Variants in VEZT observed in about 807,000 individuals in gnomAD.
VEZT encodes the protein vezatin, adherens junctions transmembrane protein, also known as vezatin.
A neutral mutation model predicts 79.9 loss-of-function variants in VEZT; 39 were observed. The ratio of observed to expected loss-of-function variants is 0.49; its 90% CI spans 0.38 to 0.64. The LOEUF (loss-of-function observed/expected upper bound fraction) is 0.64, where lower values mean the gene tolerates loss of function less well. Among genes scored for constraint, VEZT ranks in the 30% least tolerant of loss-of-function variants. The pLI is 0.00. For synonymous variants in VEZT, 325 were observed against 327.6 expected, an observed-to-expected ratio of 0.99 and a Z score of 0.09; for missense variants, 837 against 893.1, an observed-to-expected ratio of 0.94 and a Z score of 0.80.
chr12:95,223,126 TACTTA>T (rs904396218), intron 1 of VEZT, among the ~76,000 whole-genome samples: 6 of 152,346 alleles, frequency 3.9e-5, no homozygotes, highest in Admixed American at 3.3e-4. Flanking sequence ...TTGAGCAGGT[TACTTA>T]ACTTGTCTAA....
At chr12:95,240,669 G>T (rs185589362) in intron 1 of VEZT, among the ~76,000 whole-genome samples, 1 of 152,018 alleles carries the variant, frequency 6.6e-6, no homozygotes, top group African/African-American at 2.4e-5. Context: ...CAGTTATTTC[G>T]AAGGTAACTC....
At chr12:95,258,202 A>G (rs963529611) in intron 3 of VEZT, 6 of 455,416 alleles carry the variant, frequency 1.3e-5, no homozygotes, top group African/African-American at 1.2e-4. Flanking sequence ...GAGAAGGTCA[A>G]TGAAGTGTCT....
rs1491323550 is a variant in VEZT at position 95,240,073 on chromosome 12, G to GAAGGAAGGAAGGAAGGAAAGA, written c.37-11864_37-11863insGAAGGAAGGAAGGAAAGAAAG. On this transcript the variant is annotated intron_variant, in intron 1 of 11. Coordinates refer to ENST00000436874, the MANE Select transcript of VEZT (RefSeq NM_017599.4). Reference sequence around the variant, plus strand: ...GGAAGGAAGGAAGGAAGGAAGGAAGGAAGAAAAGAAAGAGGAAAACAGAAA... The same window carrying GAAGGAAGGAAGGAAGGAAAGA: ...GGAAGGAAGGAAGGAAGGAAGGAAGGAAGGAAGGAAGGAAGGAAAGAAAGAAAAGAAAGAGGAAAACAGAAA... Among the ~76,000 whole-genome samples the GAAGGAAGGAAGGAAGGAAAGA allele has an allele frequency of 2.7e-3, 270 of 98,992 alleles. 7 individuals are homozygous for GAAGGAAGGAAGGAAGGAAAGA. Among genetic ancestry groups the GAAGGAAGGAAGGAAGGAAAGA allele is most frequent in the Middle Eastern group, 0.014 (3 of 220 alleles). 64.9% of individuals were successfully genotyped at this position (98,992 alleles called of 152,430 possible).
chr12:95,288,046 A>T (rs1168323600), intron 9 of VEZT, among the ~76,000 whole-genome samples, 189 bp downstream of exon 9: 3 of 152,178 alleles, frequency 2.0e-5, no homozygotes, highest in African/African-American at 7.2e-5. Context: ...CTCATTTTGT[A>T]AATTAAAAAT....
chr12:95,255,327 A>G (rs1370953912), intron 2 of VEZT, among the ~76,000 whole-genome samples: 1 of 152,214 alleles, frequency 6.6e-6, no homozygotes. Context: ...CAAGTGATAC[A>G]TCAAGTCAGC....
In VEZT at chr12:95,262,927, T is replaced by G. The variant is rs146623229; in HGVS notation, c.280T>G (p.Ser94Ala). The G allele has an allele frequency of 1.3e-4, 204 of 1,602,154 alleles. No homozygotes were observed. The African/African-American group carries it at 2.0e-3, about 15-fold the overall frequency. ...CAAGGATATTGGATTCCGACTCGAC[T>G]CATTACATACCATCCTGCAACAGGA... ...HKLDIGFRLDSLHTILQQEVL... is the reference protein window; with the variant it reads ...HKLDIGFRLDALHTILQQEVL... The change falls in exon 4 of 12, where the codon TCA becomes GCA. Residue 94 changes from serine to alanine, a missense_variant. Coordinates refer to ENST00000436874, the MANE Select transcript of VEZT (RefSeq NM_017599.4).
At chr12:95,273,230 T>C (rs2066986800) in intron 6 of VEZT, among the ~76,000 whole-genome samples, 1 of 152,178 alleles carries the variant, frequency 6.6e-6, no homozygotes, top group South Asian at 2.1e-4. Context: ...ATCTCCAAGT[T>C]ATATTAAGTG....
At chr12:95,242,999 T>C (rs2061247014) in intron 1 of VEZT, among the ~76,000 whole-genome samples, 1 of 152,174 alleles carries the variant, frequency 6.6e-6, no homozygotes, top group African/African-American at 2.4e-5. Flanking sequence ...TACCAGACTT[T>C]AGGAAAACCT....
intron 3 of VEZT, among the ~76,000 whole-genome samples, chr12:95,259,994 G>A (rs2064110431): frequency 6.6e-6 from 1 of 151,924 alleles, no homozygotes; most frequent in African/African-American, 2.4e-5. Context: ...CTCTACGTGA[G>A]GCAATCTAAT....
At chr12:95,227,745 A>T (rs1051355612) in intron 1 of VEZT, among the ~76,000 whole-genome samples, 1 of 152,208 alleles carries the variant, frequency 6.6e-6, no homozygotes, top group African/African-American at 2.4e-5. Flanking sequence ...GACATGAACG[A>T]CTGCACCGGG....
rs12424550 is a variant in VEZT, at chr12:95,287,778, C to G, written c.1443C>G (p.His481Gln). ...LEQKLKLIQPHVQASNNCWEE... is the reference protein window; with the variant it reads ...LEQKLKLIQPQVQASNNCWEE... ...AGAAATTAAAGTTGATTCAGCCCCA[C>G]GTTCAAGCAAGCAACAATTGCTGGG... The change falls in exon 9 of 12, where the codon CAC (histidine) becomes CAG (glutamine). Residue 481 changes from histidine to glutamine, a missense_variant. Transcript: ENST00000436874. 6 of 1,607,640 alleles carry G rather than the reference C, an allele frequency of 3.7e-6. No individual in the cohort carries two copies. The South Asian group carries it at 5.6e-5, about 15-fold the overall frequency.
intron 1 of VEZT, among the ~76,000 whole-genome samples, chr12:95,244,315 C>T (rs1291580665): frequency 6.6e-6 from 1 of 152,006 alleles, no homozygotes; most frequent in Non-Finnish European, 1.5e-5. Context: ...TCCTCGAGCC[C>T]AGGAGTTTGA....
chr12:95,279,693 G>T (rs988639214), intron 7 of VEZT, among the ~76,000 whole-genome samples: 8 of 152,170 alleles, frequency 5.3e-5, no homozygotes, highest in African/African-American at 1.9e-4. Context: ...CTGGGCTCAA[G>T]CGATCCTCCC....
chr12:95,289,957 T>G (rs796327764), intron 9 of VEZT, among the ~76,000 whole-genome samples: 22 of 152,320 alleles, frequency 1.4e-4, no homozygotes, highest in African/African-American at 4.8e-4. Context: ...GTTGTAGACT[T>G]GAAGCCCCAT....
chr12:95,222,462 T>C (rs1389038272), intron 1 of VEZT, among the ~76,000 whole-genome samples: 1 of 152,162 alleles, frequency 6.6e-6, no homozygotes, highest in Non-Finnish European at 1.5e-5. Context: ...CTTTTATGTG[T>C]AGATCTCTTT....
chr12:95,248,357 T>C (rs143344693), intron 1 of VEZT, among the ~76,000 whole-genome samples: 4 of 152,346 alleles, frequency 2.6e-5, no homozygotes, highest in African/African-American at 9.6e-5. Context: ...AAATGTGAAA[T>C]AGCAAGTGTT....
At chr12:95,224,329 T>G (rs1002172264) in intron 1 of VEZT, 1 of 452,942 alleles carries the variant, frequency 2.2e-6, no homozygotes. Flanking sequence ...TTTTTTTTTT[T>G]TTTTGACAGG....
chr12:95,245,383 A>G lies in VEZT; in HGVS notation c.37-6557A>G. ...AGGGAGAGGATTTTTCTGGAAACAG[A>G]GCATACCTAGAAAGTACCAGAGCAC... On this transcript the variant is annotated intron_variant, in intron 1 of 11. Transcript: ENST00000436874. 1.0e-5 allele frequency: 4 copies of G among 389,476 alleles called. 1 individual carries two copies. Among genetic ancestry groups the G allele is most frequent in the South Asian group, 7.9e-5 (4 of 50,524 alleles). 24.1% of individuals were successfully genotyped at this position (389,476 alleles called of 1,614,324 possible).
At chr12:95,247,556 A>C (rs1213039241) in intron 1 of VEZT, among the ~76,000 whole-genome samples, 1 of 152,088 alleles carries the variant, frequency 6.6e-6, no homozygotes, top group East Asian at 1.9e-4. Flanking sequence ...TAAAATAATA[A>C]GTTTTTTTTA....
Sources: gnomAD v4.1 joint callset for allele counts (sites outside exome capture counted in the v4.1 genomes callset) on GRCh38, gnomAD v4.1.1 for gene constraint, MANE v1.5 for transcripts, NCBI Gene and HGNC (gene_info 2026-07-23, HGNC 2026-07-21) for gene names.